Variants in PLSCR1 observed in about 807,000 individuals in gnomAD.
PLSCR1 encodes PL scramblase 1.
In PLSCR1, 17 loss-of-function variants were observed where a neutral mutation model predicts 37.8. The ratio of observed to expected loss-of-function variants is 0.45; its 90% CI spans 0.31 to 0.68. The LOEUF is 0.68. Among genes scored for constraint, PLSCR1 ranks in the 30% least tolerant of loss-of-function variants. The pLI is 0.06. For synonymous variants in PLSCR1, 116 were observed against 125.9 expected (o/e 0.92, Z 0.53); for missense variants, 347 against 380.9 (o/e 0.91, Z 0.74).
intron 1 of PLSCR1, among the ~76,000 whole-genome samples, chr3:146,541,669 A>G (rs2044339891): frequency 6.6e-6 from 1 of 152,194 alleles, no homozygotes; most frequent in Admixed American, 6.5e-5. Flanking sequence ...TTGAATTTCA[A>G]TTTACTCTTG....
At chr3:146,538,439 G>A (rs915362450) in intron 1 of PLSCR1, among the ~76,000 whole-genome samples, 2 of 152,000 alleles carry the variant, frequency 1.3e-5, no homozygotes, top group Non-Finnish European at 2.9e-5. Context: ...AATACATACC[G>A]AATTAGAAGT....
intron 3 of PLSCR1, among the ~76,000 whole-genome samples, chr3:146,529,608 G>A (rs2044168615): frequency 6.6e-6 from 1 of 151,914 alleles, no homozygotes; most frequent in African/African-American, 2.4e-5. Context: ...CACCTCCTGG[G>A]TTCACACCAT....
At position 146,515,875 on chromosome 3, in the gene PLSCR1, G is replaced by A; in HGVS notation, c.*170C>T. ...AAATTGACAATGAGTATTAAAAAAT[G>A]TACAAAAACCTTTATAAATCAGTTA... On this transcript the variant is annotated 3_prime_UTR_variant, in exon 9 of 9. Coordinates refer to ENST00000342435, the MANE Select transcript of PLSCR1 (RefSeq NM_021105.3). The A allele has an allele frequency of 2.2e-6, 1 of 444,562 alleles. No homozygotes were observed. Among genetic ancestry groups the A allele is most frequent in the Non-Finnish European group, 4.0e-6 (1 of 249,064 alleles). The allele number at this position is 444,562 out of a possible 1,614,324, so 27.5% of individuals were successfully genotyped here. A position where few individuals can be genotyped will look rare whatever the true frequency, so the allele number is the denominator to read the frequency against.
chr3:146,532,624 T>C (rs1161105252), intron 3 of PLSCR1, among the ~76,000 whole-genome samples: 1 of 152,194 alleles, frequency 6.6e-6, no homozygotes, highest in Non-Finnish European at 1.5e-5. Flanking sequence ...CTAAGCACAT[T>C]TGTTTACTCA....
At chr3:146,526,195 AAAAAAAAAAGAAAG>A (rs1408588198) in intron 4 of PLSCR1, among the ~76,000 whole-genome samples, 6 of 143,142 alleles carry the variant, frequency 4.2e-5, no homozygotes, top group African/African-American at 7.7e-5. Flanking sequence ...AAAAAAAAAA[AAAAAAAAAAGAAAG>A]AAAAAAAAAA....
At position 146,534,656 on chromosome 3, in the gene PLSCR1, C is replaced by A. The variant is rs143961300; in HGVS notation, c.14-1106G>T. Among the ~76,000 whole-genome samples the A allele has an allele frequency of 3.4e-3, 521 of 151,768 alleles. 5 individuals carry two copies. The highest frequency in any genetic ancestry group is 0.027 in the Middle Eastern group (8 of 292). ...GATTGTGTAAAATCAGGCAAAAAAA[C>A]CGCTCTCCTACTCGTTCAAGACTAG... On this transcript the variant is annotated intron_variant, in intron 2 of 8. Coordinates refer to ENST00000342435, the MANE Select transcript of PLSCR1 (RefSeq NM_021105.3).
At chr3:146,540,389 C>A (rs2044323458) in intron 1 of PLSCR1, among the ~76,000 whole-genome samples, 2 of 152,248 alleles carry the variant, frequency 1.3e-5, no homozygotes, top group South Asian at 4.2e-4. Flanking sequence ...ACTGTAACCT[C>A]TACTACCACG....
In PLSCR1 at chr3:146,528,786, G is replaced by C; in HGVS notation, c.140C>G (p.Pro47Arg). Residue 47 changes from proline to arginine, a missense_variant, in exon 4 of 9, where the codon CCA becomes CGA. Transcript: ENST00000342435. The part of the protein sequence containing the change: ...SGYPGPQVSY[P>R]PPPAGHSGPG... ...ACCTGAATGGCCGGCTGGTGGGGGT[G>C]GGTAGCTGACCTGGGGCCCAGGGTA... is the stretch of plus-strand genomic sequence containing the variant. The C allele has an allele frequency of 1.2e-6, 2 of 1,614,084 alleles. No individual in the cohort carries two copies. Among genetic ancestry groups the C allele is most frequent in the Non-Finnish European group, 1.7e-6 (2 of 1,179,990 alleles).
In PLSCR1 at chr3:146,544,470, T is replaced by C. The variant is rs186301745; in HGVS notation, c.-17A>G. 1.7e-3 allele frequency: 266 copies of C among 152,492 alleles called. No individual in the cohort carries two copies. Among genetic ancestry groups the C allele is most frequent in the Non-Finnish European group, 2.9e-3 (200 of 68,154 alleles). The allele number at this position is 152,492 out of a possible 1,614,324, so 9.4% of individuals were successfully genotyped here. On this transcript the variant is annotated 5_prime_UTR_variant, in exon 1 of 9. Coordinates refer to ENST00000342435, the MANE Select transcript of PLSCR1 (RefSeq NM_021105.3). Reference sequence around the variant, plus strand: ...GCAGAGAAAGCCGCCCGCGCACCTCTGGCTGCCGCTGTTTCCGCTCCCGAG... The same window carrying C: ...GCAGAGAAAGCCGCCCGCGCACCTCCGGCTGCCGCTGTTTCCGCTCCCGAG...
At position 146,536,576 on chromosome 3, in the gene PLSCR1, A is replaced by T. The variant is rs1213973345; in HGVS notation, c.-13-11T>A. 3.4e-6 allele frequency: 5 copies of T among 1,467,738 alleles called. No individual in the cohort carries two copies. The highest frequency in any genetic ancestry group is 4.8e-6 in the Non-Finnish European group (5 of 1,047,432). 90.9% of individuals were successfully genotyped at this position (1,467,738 alleles called of 1,614,324 possible). On this transcript the variant is annotated splice_polypyrimidine_tract_variant and intron_variant, in intron 1 of 8. Coordinates refer to ENST00000342435, the MANE Select transcript of PLSCR1 (RefSeq NM_021105.3). ...ATGATTAAAACAGTTCTGAAAAAGA[A>T]GATCTGACATTAACACACTGTCTAC...
intron 4 of PLSCR1, 97 bp from the exon 5 acceptor site, chr3:146,525,744 C>A: frequency 1.7e-6 from 1 of 580,964 alleles, no homozygotes; most frequent in Non-Finnish European, 3.1e-6. Context: ...TTTTAAAGTA[C>A]ATGTAACCAA....
intron 2 of PLSCR1, 129 bp downstream of exon 2, chr3:146,536,411 C>A: frequency 3.2e-6 from 2 of 616,754 alleles, no homozygotes; most frequent in South Asian, 2.0e-5. Flanking sequence ...ACATTGTATT[C>A]TGGAGCATAA....
intron 1 of PLSCR1, among the ~76,000 whole-genome samples, chr3:146,538,548 T>TA (rs1040624767): frequency 3.1e-4 from 47 of 150,126 alleles, no homozygotes; most frequent in Middle Eastern, 3.4e-3. Flanking sequence ...ATGCTTAGCT[T>TA]AAAAAAAAAA....
In PLSCR1 at chr3:146,533,939, T is replaced by C. The variant is rs192086553; in HGVS notation, c.14-389A>G. Among the ~76,000 whole-genome samples, 357 of 152,258 alleles carry C rather than the reference T, an allele frequency of 2.3e-3. 1 individual carries two copies. The highest frequency in any genetic ancestry group is 7.9e-3 in the African/African-American group (328 of 41,544). On this transcript the variant is annotated intron_variant, in intron 2 of 8. Transcript: ENST00000342435. ...GTGAAGATGGTAGAATTATGGATGA[T>C]TTTAAAGATATCTATCATCATTGCT...
At chr3:146,527,614 T>A (rs923870452) in intron 4 of PLSCR1, among the ~76,000 whole-genome samples, 2 of 152,220 alleles carry the variant, frequency 1.3e-5, no homozygotes, top group Non-Finnish European at 2.9e-5. Context: ...ACCTTTGTCA[T>A]ATGTGATAAC....
intron 1 of PLSCR1, 51 bp downstream of exon 1, chr3:146,544,416 A>C (rs1273338168): frequency 2.0e-5 from 3 of 152,430 alleles, no homozygotes; most frequent in African/African-American, 7.2e-5. Context: ...GGCTCCGCGC[A>C]GTTCCCGCGC....
At chr3:146,527,913 A>T (rs2108642495) in intron 4 of PLSCR1, 1 of 152,312 alleles carries the variant, frequency 6.6e-6, no homozygotes, top group Non-Finnish European at 1.5e-5. Flanking sequence ...TATTGCTGAG[A>T]TTAATTATAA....
intron 3 of PLSCR1, among the ~76,000 whole-genome samples, chr3:146,531,348 G>A (rs2044196058): frequency 6.6e-6 from 1 of 152,208 alleles, no homozygotes. Flanking sequence ...TTTAGTGTTA[G>A]CCTTTATCCT....
At chr3:146,530,520 A>T (rs1217934663) in intron 3 of PLSCR1, among the ~76,000 whole-genome samples, 1 of 152,174 alleles carries the variant, frequency 6.6e-6, no homozygotes, top group Non-Finnish European at 1.5e-5. Context: ...TGATGGAGAG[A>T]ATGTATGCGA....
Sources: allele counts gnomAD v4.1 joint callset (sites outside exome capture counted in the v4.1 genomes callset), GRCh38; gene constraint gnomAD v4.1.1; transcripts MANE v1.5; gene names NCBI Gene and HGNC (gene_info 2026-07-23, HGNC 2026-07-21).